Variants in KCNQ1OT1 observed in about 807,000 individuals in gnomAD.
KCNQ1OT1 encodes KCNQ1 opposite strand/antisense transcript 1.
rs1362068279 is a variant in KCNQ1OT1, at chr11:2,671,267, C to T, written n.28728G>A. 4 of 398,536 alleles carry T rather than the reference C, an allele frequency of 1.0e-5. No homozygotes were observed. The highest frequency in any genetic ancestry group is 1.8e-5 in the Non-Finnish European group (4 of 226,100). The allele number at this position is 398,536 out of a possible 1,614,324, so 24.7% of individuals were successfully genotyped here. On this transcript the variant is annotated non_coding_transcript_exon_variant, in exon 1 of 1. Coordinates refer to ENST00000597346, the Ensembl canonical transcript of KCNQ1OT1. The surrounding 1 kb of genome is among the most constrained non-coding windows in gnomAD (Gnocchi z 4.7). ...CAAAATCCGATGTCCCCACCATCCC[C>T]AGCCCCTTAGCCTCTGATCTTCTCC...
In KCNQ1OT1 at chr11:2,652,451, C is replaced by T. The variant is rs231348; in HGVS notation, n.47544G>A. ...AATCAAGGCCACTTTTTTGTTTTCT[C>T]CATCCAAAGACCTCCAGAAACTTTC... On this transcript the variant is annotated non_coding_transcript_exon_variant, in exon 1 of 1. Coordinates refer to ENST00000597346, the Ensembl canonical transcript of KCNQ1OT1. The surrounding 1 kb of genome is among the most constrained non-coding windows in gnomAD (Gnocchi z 5.9). The T allele has an allele frequency of 0.12, 46,220 of 398,406 alleles. 2,811 individuals carry two copies. Among genetic ancestry groups the T allele is most frequent in the Middle Eastern group, 0.16 (255 of 1,588 alleles). 24.7% of individuals were successfully genotyped at this position (398,406 alleles called of 1,614,324 possible).
exon 1 of KCNQ1OT1, chr11:2,649,314 T>C (rs952116317): frequency 2.5e-6 from 1 of 398,428 alleles, no homozygotes; most frequent in Non-Finnish European, 4.4e-6. Context: ...TGCAATTTTT[T>C]GGTTTTCTGT....
At chr11:2,640,544 C>G (rs1032314496) in exon 1 of KCNQ1OT1, 5 of 391,324 alleles carry the variant, frequency 1.3e-5, no homozygotes, top group Admixed American at 4.7e-5. Flanking sequence ...CCTTGGCCCC[C>G]CAAAGCACTG....
At chr11:2,618,720 A>AT (rs1474145167) in exon 1 of KCNQ1OT1, 1 of 398,404 alleles carries the variant, frequency 2.5e-6, no homozygotes, top group African/African-American at 2.1e-5. Flanking sequence ...ATTTAAAAAA[A>AT]TTTTCCATGG....
chr11:2,641,594 C>T (rs1025367138), exon 1 of KCNQ1OT1: 2 of 398,374 alleles, frequency 5.0e-6, no homozygotes, highest in African/African-American at 4.1e-5. Context: ...GCTGTCTCTT[C>T]ACTCTGGTGA....
chr11:2,613,320 A>T lies in KCNQ1OT1; in HGVS notation n.86675T>A, dbSNP rs575154220. The T allele has an allele frequency of 2.3e-5, 9 of 398,358 alleles. No individual in the cohort carries two copies. The highest frequency in any genetic ancestry group is 1.4e-4 in the African/African-American group (7 of 48,652). The allele number at this position is 398,358 out of a possible 1,614,324, so 24.7% of individuals were successfully genotyped here. ...CCATATCTCCAGAATTCCTTTTAAA[A>T]TTTTTCTTAATCTGTCGCTTGCCCA... On this transcript the variant is annotated non_coding_transcript_exon_variant, in exon 1 of 1. Coordinates refer to ENST00000597346, the Ensembl canonical transcript of KCNQ1OT1. This position sits in a 1 kb window ranked among gnomAD's most constrained non-coding sequence, Gnocchi z 4.8.
exon 1 of KCNQ1OT1, chr11:2,628,106 C>T (rs1190514248): frequency 5.0e-6 from 2 of 398,466 alleles, no homozygotes; most frequent in African/African-American, 4.1e-5. Context: ...CATGGGAGTG[C>T]AGATACCTCT....
exon 1 of KCNQ1OT1, chr11:2,680,576 C>T: frequency 5.0e-6 from 2 of 398,488 alleles, no homozygotes; most frequent in African/African-American, 2.1e-5. Flanking sequence ...TTACATACTC[C>T]TTTACCTAGT....
At chr11:2,656,222 A>G (rs1385407815) in exon 1 of KCNQ1OT1, 1 of 398,546 alleles carries the variant, frequency 2.5e-6, no homozygotes, top group Non-Finnish European at 4.4e-6. Flanking sequence ...ATGAAGTTTT[A>G]GCTCTGTCAC....
At chr11:2,667,561 T>C in exon 1 of KCNQ1OT1, 1 of 112,508 alleles carries the variant, frequency 8.9e-6, no homozygotes, top group East Asian at 3.1e-4. Context: ...GAGACACTTC[T>C]GGCAGTTGGG....
rs1056641344 is a variant in KCNQ1OT1, at chr11:2,665,213, T to G, written n.34782A>C. 2.0e-5 allele frequency: 8 copies of G among 398,446 alleles called. No homozygotes were observed. In the East Asian group the frequency reaches 2.8e-4, roughly 14 times the overall value. 24.7% of individuals were successfully genotyped at this position (398,446 alleles called of 1,614,324 possible). On this transcript the variant is annotated non_coding_transcript_exon_variant, in exon 1 of 1. Coordinates refer to ENST00000597346, the Ensembl canonical transcript of KCNQ1OT1. The stretch of plus-strand genomic sequence containing the variant: ...GAACACACCTTTCAGGCAGAAGCTG[T>G]CTTCCTAGGTTGAATGGGGCACAAG...
chr11:2,638,464 G>A (rs1849515598), exon 1 of KCNQ1OT1: 1 of 152,156 alleles, frequency 6.6e-6, no homozygotes, highest in Non-Finnish European at 1.5e-5. Context: ...GAAATTCTGG[G>A]TTGAAAATTC....
At chr11:2,685,820 T>C (rs567781364) in exon 1 of KCNQ1OT1, 140 of 398,602 alleles carry the variant, frequency 3.5e-4, no homozygotes, top group Non-Finnish European at 3.2e-4. Context: ...CGATTCCTAC[T>C]AGAACGAGGC....
Position 2,673,312 on chromosome 11 carries a change from A to G in KCNQ1OT1, n.26683T>C. 2.5e-6 allele frequency: 1 copy of G among 398,784 alleles called. No individual in the cohort carries two copies. The allele number at this position is 398,784 out of a possible 1,614,324, so 24.7% of individuals were successfully genotyped here. On this transcript the variant is annotated non_coding_transcript_exon_variant, in exon 1 of 1. Transcript: ENST00000597346. This position sits in a 1 kb window ranked among gnomAD's most constrained non-coding sequence, Gnocchi z 4.5. ...GAAATCTTGAGAGAAACAATCCCAC[A>G]GGCTACCAGGCCAGCTTTTGGAAAC...
rs1850228574 is a variant in KCNQ1OT1 at position 2,673,577 on chromosome 11, A to G, written n.26418T>C. The G allele has an allele frequency of 2.5e-6, 1 of 398,710 alleles. No individual in the cohort carries two copies. The highest frequency in any genetic ancestry group is 4.4e-6 in the Non-Finnish European group (1 of 226,148). The allele number at this position is 398,710 out of a possible 1,614,324, so 24.7% of individuals were successfully genotyped here. A position where few individuals can be genotyped will look rare whatever the true frequency, so the allele number is the denominator to read the frequency against. On this transcript the variant is annotated non_coding_transcript_exon_variant, in exon 1 of 1. Transcript: ENST00000597346. This position sits in a 1 kb window ranked among gnomAD's most constrained non-coding sequence, Gnocchi z 4.5. ...CCTGGCCATGCAGGTGGAAGACCCT[A>G]TTACTTGGGCTAAAGAGAAGCTAAA...
rs1850021432 is a variant in KCNQ1OT1 at position 2,664,195 on chromosome 11, G to A, written n.35800C>T. The A allele has an allele frequency of 2.5e-6, 1 of 398,740 alleles. No homozygotes were observed. Among genetic ancestry groups the A allele is most frequent in the Non-Finnish European group, 4.4e-6 (1 of 226,186 alleles). The allele number at this position is 398,740 out of a possible 1,614,324, so 24.7% of individuals were successfully genotyped here. The stretch of plus-strand genomic sequence containing the variant: ...TGCTAGATATGAGCCAGCCTGGGAA[G>A]GCAGGAAGGAGCCCAGGCATGGGGC... On this transcript the variant is annotated non_coding_transcript_exon_variant, in exon 1 of 1. Coordinates refer to ENST00000597346, the Ensembl canonical transcript of KCNQ1OT1. This position sits in a 1 kb window ranked among gnomAD's most constrained non-coding sequence, Gnocchi z 5.1.
Position 2,652,246 on chromosome 11 carries a change from C to A in KCNQ1OT1, n.47749G>T. 2.5e-6 allele frequency: 1 copy of A among 398,640 alleles called. No homozygotes were observed. The highest frequency in any genetic ancestry group is 4.4e-6 in the Non-Finnish European group (1 of 226,078). 24.7% of individuals were successfully genotyped at this position (398,640 alleles called of 1,614,324 possible). ...TGAGAATGAGGCCTGCAACTCATTT[C>A]CCCATTAAACATTCTGAGAACATCT... On this transcript the variant is annotated non_coding_transcript_exon_variant, in exon 1 of 1. Coordinates refer to ENST00000597346, the Ensembl canonical transcript of KCNQ1OT1. This position sits in a 1 kb window ranked among gnomAD's most constrained non-coding sequence, Gnocchi z 5.9.
rs1427676350 is a variant in KCNQ1OT1, at chr11:2,670,756, G to A, written n.29239C>T. 2.5e-6 allele frequency: 1 copy of A among 398,552 alleles called. No individual in the cohort carries two copies. Among genetic ancestry groups the A allele is most frequent in the Non-Finnish European group, 4.4e-6 (1 of 226,122 alleles). 24.7% of individuals were successfully genotyped at this position (398,552 alleles called of 1,614,324 possible). ...GCAGATATTATCTGGGCACTGGCCA[G>A]TGGCTCTTGTGGCTGCCCTCTGCAA... On this transcript the variant is annotated non_coding_transcript_exon_variant, in exon 1 of 1. Transcript: ENST00000597346. The surrounding 1 kb of genome is among the most constrained non-coding windows in gnomAD (Gnocchi z 4.9).
In KCNQ1OT1 at chr11:2,668,935, T is replaced by C. The variant is rs1331510907; in HGVS notation, n.31060A>G. 1 of 398,614 alleles carries C rather than the reference T, an allele frequency of 2.5e-6. No homozygotes were observed. The highest frequency in any genetic ancestry group is 3.6e-5 in the East Asian group (1 of 28,080). 24.7% of individuals were successfully genotyped at this position (398,614 alleles called of 1,614,324 possible). A position where few individuals can be genotyped will look rare whatever the true frequency, so the allele number is the denominator to read the frequency against. Reference sequence around the variant, plus strand: ...AAGCTTTATTAGCTCACCTTTCCCATGTAGATCTGCACTCCATCTGGGATT... The same window carrying C: ...AAGCTTTATTAGCTCACCTTTCCCACGTAGATCTGCACTCCATCTGGGATT... On this transcript the variant is annotated non_coding_transcript_exon_variant, in exon 1 of 1. Coordinates refer to ENST00000597346, the Ensembl canonical transcript of KCNQ1OT1. The surrounding 1 kb of genome is among the most constrained non-coding windows in gnomAD (Gnocchi z 4.3).
Sources: gnomAD v4.1 joint callset for allele counts on GRCh38, gnomAD v4.1.1 for gene constraint, Gnocchi (gnomAD v3.1) non-coding constraint, MANE v1.5 for transcripts, NCBI Gene and HGNC (gene_info 2026-07-23, HGNC 2026-07-21) for gene names.